FBXL20: variants seen among roughly 807,000 people sequenced by gnomAD.
FBXL20 encodes F-box and leucine rich repeat protein 20, also known as F-box/LRR-repeat protein 20.
FBXL20 carries 11 observed loss-of-function variants against 64.0 expected under a neutral mutation model. The observed-to-expected ratio is 0.17, with a 90% CI of 0.11 to 0.28. FBXL20 has a LOEUF of 0.28. Ranked by LOEUF, FBXL20 falls within the 10% of genes least tolerant of loss-of-function variation. The pLI, the probability that FBXL20 is intolerant of heterozygous loss-of-function variation, is 1.00. For synonymous variants in FBXL20, 184 were observed against 189.0 expected (o/e 0.97, Z 0.22); for missense variants, 303 against 526.2 (o/e 0.58, Z 4.15).
At chr17:39,280,479 C>T (rs1003642489) in intron 9 of FBXL20, among the ~76,000 whole-genome samples, 1 of 150,922 alleles carries the variant, frequency 6.6e-6, no homozygotes, top group African/African-American at 2.4e-5. Flanking sequence ...AGGAGAATCG[C>T]TTGAGCCTAG....
At chr17:39,332,976 T>C (rs1470986726) in intron 2 of FBXL20, among the ~76,000 whole-genome samples, 2 of 152,106 alleles carry the variant, frequency 1.3e-5, no homozygotes, top group Admixed American at 6.5e-5. Flanking sequence ...TTTTTCCTTT[T>C]TCTTTTTTAA....
At chr17:39,294,722 G>A (rs1489849057) in intron 6 of FBXL20, among the ~76,000 whole-genome samples, 1 of 152,098 alleles carries the variant, frequency 6.6e-6, no homozygotes, top group Admixed American at 6.6e-5. Context: ...AAAAGTTAAT[G>A]CACTTATGGC....
At chr17:39,377,655 C>G (rs950568160) in intron 1 of FBXL20, among the ~76,000 whole-genome samples, 5 of 152,060 alleles carry the variant, frequency 3.3e-5, no homozygotes, top group African/African-American at 9.7e-5. Flanking sequence ...CGCCCACTAC[C>G]ACGCCCGGCT....
chr17:39,310,499 T>G (rs1278976856), intron 2 of FBXL20, among the ~76,000 whole-genome samples: 2 of 152,156 alleles, frequency 1.3e-5, no homozygotes, highest in African/African-American at 2.4e-5. Context: ...AGATTTGAGC[T>G]GGACTCCTGT....
intron 2 of FBXL20, among the ~76,000 whole-genome samples, chr17:39,340,287 G>A (rs889293349): frequency 2.0e-5 from 3 of 152,076 alleles, no homozygotes; most frequent in Non-Finnish European, 2.9e-5. Context: ...AGTAGAGATG[G>A]GGTTTCACCA....
chr17:39,361,606 G>C (rs1339073523), intron 1 of FBXL20, among the ~76,000 whole-genome samples: 1 of 151,898 alleles, frequency 6.6e-6, no homozygotes, highest in African/African-American at 2.4e-5. Context: ...GACCATCCTG[G>C]CTAACACTGT....
chr17:39,307,503 A>C (rs2047193735), intron 2 of FBXL20, among the ~76,000 whole-genome samples: 1 of 152,198 alleles, frequency 6.6e-6, no homozygotes, highest in Non-Finnish European at 1.5e-5. Flanking sequence ...CTGCAGCAGC[A>C]GCACAACCCT....
chr17:39,401,720 G>A (rs1371748560), upstream of FBXL20: 2 of 1,120,784 alleles, frequency 1.8e-6, no homozygotes, highest in African/African-American at 1.6e-5. Flanking sequence ...CGGAGCGCCC[G>A]GGAGGGGGAG....
intron 2 of FBXL20, among the ~76,000 whole-genome samples, chr17:39,314,198 T>G (rs1829458876): frequency 6.6e-6 from 1 of 152,198 alleles, no homozygotes; most frequent in African/African-American, 2.4e-5. Flanking sequence ...ATGAAGACTT[T>G]TGTGTTGGCT....
chr17:39,317,014 T>G (rs957409667), intron 2 of FBXL20, among the ~76,000 whole-genome samples: 4 of 152,112 alleles, frequency 2.6e-5, no homozygotes, highest in African/African-American at 9.7e-5. Flanking sequence ...AAGACAAGAA[T>G]AATTAACCAA....
Position 39,321,531 on chromosome 17 carries a change from A to C in FBXL20, c.105-17892T>G, listed in dbSNP as rs192303336. Among the ~76,000 whole-genome samples, 3 of 150,994 alleles carry C rather than the reference A, an allele frequency of 2.0e-5. No individual in the cohort carries two copies. The East Asian group carries it at 5.9e-4, about 30-fold the overall frequency. Reference sequence around the variant, plus strand: ...GGTGACTCATGCCTGTAATCCCAACATTCTGGGAGGCCGAGGTGGGTGGAT... The same window carrying C: ...GGTGACTCATGCCTGTAATCCCAACCTTCTGGGAGGCCGAGGTGGGTGGAT... On this transcript the variant is annotated intron_variant, in intron 2 of 14. Coordinates refer to ENST00000264658, the MANE Select transcript of FBXL20 (RefSeq NM_032875.3).
chr17:39,323,234 G>A (rs1465409501), intron 2 of FBXL20, among the ~76,000 whole-genome samples: 2 of 152,060 alleles, frequency 1.3e-5, no homozygotes, highest in Non-Finnish European at 2.9e-5. Context: ...CTCCCAAAGT[G>A]CTGGGATTAC....
chr17:39,336,767 TGAGCC>T lies in FBXL20; in HGVS notation c.104+6408_104+6412del, dbSNP rs35459344. On this transcript the variant is annotated intron_variant, in intron 2 of 14. Transcript: ENST00000264658. Reference sequence around the variant, plus strand: ...TGAACCTGGGAGGCAGAGGTTGCAGTGAGCCGAGATTGCACCATTGCACTCCAGCC... The same window carrying T: ...TGAACCTGGGAGGCAGAGGTTGCAGTGAGATTGCACCATTGCACTCCAGCC... 9.7e-3 allele frequency among the ~76,000 whole-genome samples: 1,457 copies of T among 150,594 alleles called. 31 individuals are homozygous for T. Among genetic ancestry groups the T allele is most frequent in the African/African-American group, 0.034 (1,380 of 40,968 alleles).
At chr17:39,293,132 G>A (rs1371364419) in intron 6 of FBXL20, among the ~76,000 whole-genome samples, 3 of 151,886 alleles carry the variant, frequency 2.0e-5, no homozygotes, top group Admixed American at 6.6e-5. Flanking sequence ...CAGATATTCT[G>A]TATGCCACAT....
At chr17:39,352,968 AAG>A (rs2047702139) in intron 1 of FBXL20, among the ~76,000 whole-genome samples, 2 of 152,242 alleles carry the variant, frequency 1.3e-5, no homozygotes, top group South Asian at 4.1e-4. Flanking sequence ...AGAGTACTTA[AAG>A]AGAGAGGTTA....
At chr17:39,293,519 G>A (rs1364712554) in intron 6 of FBXL20, among the ~76,000 whole-genome samples, 6 of 152,096 alleles carry the variant, frequency 3.9e-5, no homozygotes, top group South Asian at 2.1e-4. Flanking sequence ...CACCATGCCC[G>A]GCCTGATTCT....
rs149857794 is a variant in FBXL20, at chr17:39,344,791, A to G, written c.43-1550T>C. ...GGTGACACAGCAATACTCTATCTCA[A>G]TAAAAATAAAAATTAAAAAAGGAAA... On this transcript the variant is annotated intron_variant, in intron 1 of 14. Transcript: ENST00000264658. 3.3e-5 allele frequency among the ~76,000 whole-genome samples: 5 copies of G among 152,218 alleles called. No homozygotes were observed. In the East Asian group the frequency reaches 9.6e-4, roughly 29 times the overall value.
At chr17:39,266,065 C>CTTTTT (rs34822405) in intron 12 of FBXL20, among the ~76,000 whole-genome samples, 2 of 62,734 alleles carry the variant, frequency 3.2e-5, no homozygotes, top group African/African-American at 1.2e-4. Flanking sequence ...CTCATTCATT[C>CTTTTT]TTTTTTTTTT....
At chr17:39,362,467 G>A (rs1314460602) in intron 1 of FBXL20, among the ~76,000 whole-genome samples, 4 of 152,094 alleles carry the variant, frequency 2.6e-5, no homozygotes, top group Admixed American at 1.3e-4. Context: ...GGGATTACAG[G>A]CATGTGCCAC....
Sources: allele counts gnomAD v4.1 joint callset (sites outside exome capture counted in the v4.1 genomes callset), GRCh38; gene constraint gnomAD v4.1.1; transcripts MANE v1.5; gene names NCBI Gene and HGNC (gene_info 2026-07-23, HGNC 2026-07-21).